The following KTN1 variants were observed in gnomAD, a reference collection of about 807,000 sequenced individuals.
The protein encoded by KTN1 is kinectin.
Under a neutral mutation model 222.5 loss-of-function variants are expected in KTN1, and 130 were observed. The observed-to-expected ratio is 0.58, with a 90% CI of 0.51 to 0.68. KTN1 has a LOEUF of 0.68. Ranked by LOEUF, KTN1 falls within the 30% of genes least tolerant of loss-of-function variation. The pLI is 0.00. For missense variants in KTN1, 1,508 were observed against 1,500.4 expected (o/e 1.01, Z -0.08); for synonymous variants, 512 against 496.3 (o/e 1.03, Z -0.42).
At chr14:55,671,326 C>T (rs2045429840) in intron 35 of KTN1, 2 of 485,336 alleles carry the variant, frequency 4.1e-6, no homozygotes, top group South Asian at 3.4e-5. Flanking sequence ...CTGCTTTGAT[C>T]TTACCACCTG....
At chr14:55,677,151 A>T (rs1478496332) in intron 41 of KTN1, among the ~76,000 whole-genome samples, 1 of 152,154 alleles carries the variant, frequency 6.6e-6, no homozygotes, top group Non-Finnish European at 1.5e-5. Context: ...GCAACATTTG[A>T]TTGGAAAAGC....
chr14:55,604,050 C>T (rs532480456), intron 1 of KTN1, among the ~76,000 whole-genome samples: 19 of 152,318 alleles, frequency 1.2e-4, no homozygotes, highest in African/African-American at 3.4e-4. Flanking sequence ...TCCCTACACC[C>T]TTCCCTAGTC....
chr14:55,609,319 A>C (rs2037203222), intron 1 of KTN1, among the ~76,000 whole-genome samples: 2 of 152,142 alleles, frequency 1.3e-5, no homozygotes, highest in African/African-American at 2.4e-5. Context: ...GTCCCTGCCG[A>C]GGACATGATC....
chr14:55,587,845 C>G (rs946793258), intron 1 of KTN1, among the ~76,000 whole-genome samples: 3 of 152,134 alleles, frequency 2.0e-5, no homozygotes, highest in Admixed American at 6.5e-5. Flanking sequence ...TCCAGTTTGA[C>G]TAGATGTTTG....
At chr14:55,648,000 A>C in intron 19 of KTN1, 25 bp from the exon 20 acceptor site, 1 of 959,436 alleles carries the variant, frequency 1.0e-6, no homozygotes, top group Non-Finnish European at 1.5e-6. Context: ...TAGTTAATAC[A>C]TGTGTTACAA....
chr14:55,666,462 T>C (rs936962403), intron 33 of KTN1, among the ~76,000 whole-genome samples: 9 of 151,914 alleles, frequency 5.9e-5, no homozygotes, highest in African/African-American at 2.2e-4. Flanking sequence ...ATGTTACATT[T>C]TTGTTTTTGG....
chr14:55,642,710 T>G (rs541660012), intron 18 of KTN1, among the ~76,000 whole-genome samples: 2 of 152,330 alleles, frequency 1.3e-5, no homozygotes, highest in South Asian at 4.1e-4. Flanking sequence ...CTGGTGTAAG[T>G]AGCTGTGCCT....
At chr14:55,640,106 C>A in intron 14 of KTN1, 103 bp downstream of exon 14, 1 of 767,862 alleles carries the variant, frequency 1.3e-6, no homozygotes, top group Non-Finnish European at 2.2e-6. Context: ...GGAAAATAGT[C>A]TAGAATTCAT....
At chr14:55,662,268 C>T (rs910437689) in intron 32 of KTN1, among the ~76,000 whole-genome samples, 20 of 151,952 alleles carry the variant, frequency 1.3e-4, no homozygotes, top group South Asian at 2.1e-4. Context: ...TGGGGTTTTA[C>T]CATGTAGGCC....
chr14:55,598,356 G>T (rs1264962199), intron 1 of KTN1, among the ~76,000 whole-genome samples: 1 of 149,390 alleles, frequency 6.7e-6, no homozygotes, highest in Non-Finnish European at 1.5e-5. Flanking sequence ...AATGGCGGGA[G>T]CCCAGGAGGC....
In KTN1 at chr14:55,640,371, T is replaced by C. The variant is rs1434764792; in HGVS notation, c.1915-3T>C. ...TTTTAAATGCTATTTTTCCTTGTTC[T>C]AGGATATACAGAATATGAATTTCTT... On this transcript the variant is annotated splice_region_variant and splice_polypyrimidine_tract_variant and intron_variant, in intron 14 of 43. Transcript: ENST00000395314. The C allele has an allele frequency of 5.7e-6, 9 of 1,574,538 alleles. No individual in the cohort carries two copies. The highest frequency in any genetic ancestry group is 6.1e-6 in the Non-Finnish European group (7 of 1,149,146).
Position 55,617,934 on chromosome 14 carries a change from A to G in KTN1, c.662-30A>G, listed in dbSNP as rs114044861. 2.2e-4 allele frequency: 330 copies of G among 1,488,616 alleles called. 1 individual carries two copies. The African/African-American group carries it at 4.3e-3, about 19-fold the overall frequency. 92.2% of individuals were successfully genotyped at this position (1,488,616 alleles called of 1,614,324 possible). A position where few individuals can be genotyped will look rare whatever the true frequency, so the allele number is the denominator to read the frequency against. ...ATTTACTCTGTTTTGTAAAAATTCT[A>G]ATTATGATTTTGTTGAACTTAAATT... On this transcript the variant is annotated intron_variant, in intron 3 of 43. Coordinates refer to ENST00000395314, the MANE Select transcript of KTN1 (RefSeq NM_001079521.2).
At chr14:55,625,256 A>AGTCCC (rs201949871) in intron 5 of KTN1, among the ~76,000 whole-genome samples, 11,637 of 152,284 alleles carry the variant, frequency 0.076, 495 homozygotes, top group South Asian at 0.11. Context: ...GGTGCTATAA[A>AGTCCC]TAGCATATAA....
At chr14:55,683,230 A>T (rs894540324) in intron 43 of KTN1, 18 of 152,182 alleles carry the variant, frequency 1.2e-4, no homozygotes, top group Non-Finnish European at 1.8e-4. Context: ...GTTAATAGCC[A>T]GTGATAACTT....
In KTN1 at chr14:55,651,701, A is replaced by AT. The variant is rs901459466; in HGVS notation, c.2566-184dup. 5.6e-6 allele frequency: 3 copies of AT among 535,460 alleles called. No individual in the cohort carries two copies. The African/African-American group carries it at 5.8e-5, about 10-fold the overall frequency. 33.2% of individuals were successfully genotyped at this position (535,460 alleles called of 1,614,324 possible). On this transcript the variant is annotated intron_variant, in intron 24 of 43. Coordinates refer to ENST00000395314, the MANE Select transcript of KTN1 (RefSeq NM_001079521.2). ...ATTTTCCTTGTCCCTCCCCCTTATT[A>AT]TTTTTAGTTTATTAATTTTCCTGTT...
chr14:55,646,802 G>A (rs537691355), intron 18 of KTN1, among the ~76,000 whole-genome samples, 171 bp from the exon 19 acceptor site: 5 of 151,644 alleles, frequency 3.3e-5, no homozygotes, highest in African/African-American at 1.2e-4. Context: ...GTATCTCTTT[G>A]TTTTGTGTTT....
intron 1 of KTN1, among the ~76,000 whole-genome samples, chr14:55,588,119 C>G (rs373093772): frequency 9.7e-4 from 147 of 152,252 alleles, no homozygotes; most frequent in African/African-American, 3.4e-3. Flanking sequence ...CTACTTTTGA[C>G]TGGAAACCTT....
chr14:55,639,191 G>C lies in KTN1; in HGVS notation c.1792G>C (p.Ala598Pro). 1 of 1,602,896 alleles carries C rather than the reference G, an allele frequency of 6.2e-7. No individual in the cohort carries two copies. Among genetic ancestry groups the C allele is most frequent in the African/African-American group, 1.3e-5 (1 of 74,598 alleles). ...FHSQIAAQTS[A>P]SVLAEELHKV... ...CACTATTTTTCTTTCTTAGACCTCC[G>C]CTTCAGTTCTAGCAGAAGAATTACA... Residue 598 changes from alanine (A) to proline (P), a missense_variant, in exon 13 of 44, where the codon GCT becomes CCT. Physicochemically the swap from Ala to Pro is conservative, Grantham distance 27. Coordinates refer to ENST00000395314, the MANE Select transcript of KTN1 (RefSeq NM_001079521.2).
chr14:55,622,376 A>C (rs568905891), intron 5 of KTN1, among the ~76,000 whole-genome samples: 103 of 152,302 alleles, frequency 6.8e-4, no homozygotes, highest in Middle Eastern at 3.4e-3. Context: ...TGAATGGCAT[A>C]ATCACTGCTA....
Sources: gnomAD v4.1 joint callset for allele counts (sites outside exome capture counted in the v4.1 genomes callset) on GRCh38, gnomAD v4.1.1 for gene constraint, MANE v1.5 for transcripts, NCBI Gene and HGNC (gene_info 2026-07-23, HGNC 2026-07-21) for gene names.